ABCA4: variants seen among roughly 807,000 people sequenced by gnomAD.
ABCA4 encodes the protein retinal-specific phospholipid-transporting ATPase ABCA4.
In ABCA4, 196 loss-of-function variants were observed where a neutral mutation model predicts 263.7. The ratio of observed to expected loss-of-function variants is 0.74; its 90% CI spans 0.66 to 0.84. The LOEUF (loss-of-function observed/expected upper bound fraction) is 0.84. Ranked by LOEUF, ABCA4 falls within the 40% of genes least tolerant of loss-of-function variation. The pLI is 0.00. For synonymous variants in ABCA4, 1,133 were observed against 1,094.2 expected (o/e 1.04, Z -0.70); for missense variants, 2,792 against 2,855.1 (o/e 0.98, Z 0.50).
chr1:94,058,427 T>C (rs746891111), intron 14 of ABCA4, among the ~76,000 whole-genome samples: 3 of 152,184 alleles, frequency 2.0e-5, no homozygotes, highest in Non-Finnish European at 2.9e-5. Context: ...AGTGATATGA[T>C]ATCAGCTCAC....
intron 26 of ABCA4, 45 bp from the exon 27 acceptor site, chr1:94,032,088 G>T (rs1471685060): frequency 1.2e-6 from 2 of 1,600,908 alleles, no homozygotes; most frequent in South Asian, 2.2e-5. Context: ...TGCCTATAAG[G>T]TCTGGATCTC....
chr1:94,017,201 A>T (rs1659768535), intron 36 of ABCA4, among the ~76,000 whole-genome samples: 1 of 152,202 alleles, frequency 6.6e-6, no homozygotes. Context: ...TGTATTTATT[A>T]TAAAGGGGAA....
chr1:94,111,214 G>T (rs1418636580), intron 3 of ABCA4, among the ~76,000 whole-genome samples: 1 of 152,240 alleles, frequency 6.6e-6, no homozygotes, highest in African/African-American at 2.4e-5. Context: ...TAAGGACCAA[G>T]AAATTTTGTG....
intron 24 of ABCA4, among the ~76,000 whole-genome samples, chr1:94,039,380 GA>G (rs1660427144): frequency 1.3e-5 from 2 of 152,220 alleles, no homozygotes; most frequent in African/African-American, 4.8e-5. Flanking sequence ...TTGATAAGCA[GA>G]TACTTTCCCC....
At chr1:94,094,745 G>C (rs1179917744) in intron 6 of ABCA4, among the ~76,000 whole-genome samples, 2 of 152,194 alleles carry the variant, frequency 1.3e-5, no homozygotes, top group Non-Finnish European at 2.9e-5. Flanking sequence ...AAAACAGGAA[G>C]GATGGTAGGG....
At chr1:94,093,559 A>G (rs974976029) in intron 6 of ABCA4, among the ~76,000 whole-genome samples, 1 of 152,218 alleles carries the variant, frequency 6.6e-6, no homozygotes, top group African/African-American at 2.4e-5. Context: ...CCCAGGACTC[A>G]TTATCCTCAA....
rs561064175 is a variant in ABCA4 at position 94,119,565 on chromosome 1, C to T, written c.66+1415G>A. 1.1e-4 allele frequency among the ~76,000 whole-genome samples: 17 copies of T among 152,268 alleles called. No individual in the cohort carries two copies. In the South Asian group the frequency reaches 3.5e-3, roughly 32 times the overall value. ...TCAGGTTCAGAGATCCAGCAGCAGC[C>T]TCCATGCACGCCTTCCTCCCAAGTC... On this transcript the variant is annotated intron_variant, in intron 1 of 49. Coordinates refer to ENST00000370225, the MANE Select transcript of ABCA4 (RefSeq NM_000350.3).
chr1:94,121,026 A>G lies in ABCA4; in HGVS notation c.20T>C (p.Ile7Thr). Residue 7 changes from isoleucine (I) to threonine (T), a missense_variant, in exon 1 of 50, where the codon ATA (isoleucine) becomes ACA (threonine). Coordinates refer to ENST00000370225, the MANE Select transcript of ABCA4 (RefSeq NM_000350.3). MGFVRQ[I>T]QLLLWKNWTL... The stretch of plus-strand genomic sequence containing the variant: ...CCAGTTCTTCCAGAGCAAAAGCTGT[A>G]TCTGTCTCACGAAGCCCATGCTAAT... 6.2e-7 allele frequency: 1 copy of G among 1,614,076 alleles called. No individual in the cohort carries two copies. The highest frequency in any genetic ancestry group is 2.2e-5 in the East Asian group (1 of 44,872).
intron 20 of ABCA4, among the ~76,000 whole-genome samples, chr1:94,044,094 TTTCC>T (rs1218365138): frequency 3.1e-3 from 38 of 12,166 alleles, no homozygotes; most frequent in African/African-American, 3.5e-3. Flanking sequence ...CCCTCCCTTC[TTTCC>T]TTCCTTCCTT....
intron 11 of ABCA4, among the ~76,000 whole-genome samples, chr1:94,065,379 A>G (rs577458202): frequency 6.6e-6 from 1 of 152,322 alleles, no homozygotes; most frequent in Non-Finnish European, 1.5e-5. Context: ...CTACTACCCG[A>G]GAAATAAAGA....
intron 11 of ABCA4, among the ~76,000 whole-genome samples, chr1:94,072,348 T>A (rs1349955452): frequency 6.6e-6 from 1 of 152,244 alleles, no homozygotes; most frequent in Non-Finnish European, 1.5e-5. Context: ...TATTTTCGTA[T>A]TAAAATCTGG....
intron 7 of ABCA4, among the ~76,000 whole-genome samples, chr1:94,082,688 C>A (rs908269244): frequency 1.3e-5 from 2 of 152,180 alleles, no homozygotes; most frequent in Non-Finnish European, 2.9e-5. Flanking sequence ...ACTTTTCCCT[C>A]CCTTTCGTAA....
chr1:94,012,518 G>A (rs1231178197), intron 38 of ABCA4, among the ~76,000 whole-genome samples: 1 of 152,150 alleles, frequency 6.6e-6, no homozygotes, highest in Non-Finnish European at 1.5e-5. Context: ...TGGAGGGTGG[G>A]CACTGAGTCC....
intron 16 of ABCA4, among the ~76,000 whole-genome samples, chr1:94,054,463 A>G (rs1033974376): frequency 6.6e-6 from 1 of 152,192 alleles, no homozygotes; most frequent in African/African-American, 2.4e-5. Context: ...CCCTGTGATA[A>G]TGGGACATTT....
chr1:94,086,546 G>GC (rs1557798357), intron 6 of ABCA4, among the ~76,000 whole-genome samples: 8 of 143,112 alleles, frequency 5.6e-5, no homozygotes. Context: ...CACATAGGCT[G>GC]TTTTTTTTTT....
At chr1:94,066,021 G>A (rs1661259123) in intron 11 of ABCA4, among the ~76,000 whole-genome samples, 1 of 152,172 alleles carries the variant, frequency 6.6e-6, no homozygotes, top group African/African-American at 2.4e-5. Context: ...ATGAGATGTA[G>A]GACTTAAACA....
chr1:94,036,660 T>C (rs2101042659), intron 26 of ABCA4, 80 bp downstream of exon 26: 1 of 1,477,370 alleles, frequency 6.8e-7, no homozygotes, highest in Non-Finnish European at 9.5e-7. Flanking sequence ...TGAGCCACTG[T>C]GCCCAGCCCC....
rs942639256 is a variant in ABCA4 at position 93,996,287 on chromosome 1, G to A, written c.6730-92C>T. 1.7e-5 allele frequency: 17 copies of A among 978,150 alleles called. No individual in the cohort carries two copies. In the East Asian group the frequency reaches 3.9e-4, roughly 23 times the overall value. The allele number at this position is 978,150 out of a possible 1,614,324, so 60.6% of individuals were successfully genotyped here. On this transcript the variant is annotated intron_variant, in intron 48 of 49. Transcript: ENST00000370225. ...CCCACTTTGCTCTCTATTTTCCACA[G>A]TTCACATACAGCCCTGCTGGTATGG...
chr1:94,080,481 T>C lies in ABCA4; in HGVS notation c.1096A>G (p.Thr366Ala), dbSNP rs1208590733. The C allele has an allele frequency of 6.2e-7, 1 of 1,614,200 alleles. No homozygotes were observed. Among genetic ancestry groups the C allele is most frequent in the Admixed American group, 1.7e-5 (1 of 60,024 alleles). Residue 366 changes from threonine (T) to alanine (A), a missense_variant, in exon 8 of 50, where the codon ACA becomes GCA. Transcript: ENST00000370225. ...AAGCAGGACTCAGAAAACTTACTTG[T>C]TCTTCTGTCATAAGAATAGATAGGA... ...KDPIYSYDRRTTSFCNALIQS... is the reference protein window; with the variant it reads ...KDPIYSYDRRATSFCNALIQS...
Sources: allele counts gnomAD v4.1 joint callset (sites outside exome capture counted in the v4.1 genomes callset), GRCh38; gene constraint gnomAD v4.1.1; transcripts MANE v1.5; gene names NCBI Gene and HGNC (gene_info 2026-07-23, HGNC 2026-07-21).